THADA: variants seen among roughly 807,000 people sequenced by gnomAD.
THADA encodes THADA armadillo repeat containing, also known as tRNA (32-2'-O)-methyltransferase regulator THADA.
A neutral mutation model predicts 219.8 loss-of-function variants in THADA; 213 were observed. The ratio of observed to expected loss-of-function variants is 0.97; its 90% confidence interval spans 0.87 to 1.09. The LOEUF (loss-of-function observed/expected upper bound fraction) is 1.09, where lower values mean the gene tolerates loss of function less well. Ranked by LOEUF, THADA falls within the 50% of genes least tolerant of loss-of-function variation. The pLI is 0.00. For synonymous variants in THADA, 1,018 were observed against 828.9 expected (o/e 1.23, Z -3.92); for missense variants, 2,956 against 2,311.3 (o/e 1.28, Z -5.72).
At chr2:43,386,013 A>G (rs1305765454) in intron 29 of THADA, among the ~76,000 whole-genome samples, 4 of 152,200 alleles carry the variant, frequency 2.6e-5, no homozygotes. Context: ...AAAATGACCA[A>G]GATTCTAAAT....
At chr2:43,277,928 T>C (rs1040392835) in intron 36 of THADA, among the ~76,000 whole-genome samples, 2 of 151,274 alleles carry the variant, frequency 1.3e-5, no homozygotes, top group Admixed American at 6.6e-5. Context: ...CCTTGAGAGA[T>C]GGTAAAACAA....
intron 31 of THADA, among the ~76,000 whole-genome samples, chr2:43,317,600 C>A (rs540465819): frequency 6.6e-6 from 1 of 152,212 alleles, no homozygotes; most frequent in South Asian, 2.1e-4. Flanking sequence ...GACTTCACTA[C>A]ATTAAGCACA....
intron 30 of THADA, among the ~76,000 whole-genome samples, chr2:43,331,121 T>C (rs1201647288): frequency 6.6e-6 from 1 of 152,250 alleles, no homozygotes; most frequent in African/African-American, 2.4e-5. Context: ...CCATCTCTAC[T>C]ATTTTCAATA....
At chr2:43,488,155 T>C (rs905767198) in intron 25 of THADA, among the ~76,000 whole-genome samples, 9 of 152,232 alleles carry the variant, frequency 5.9e-5, no homozygotes, top group Non-Finnish European at 1.3e-4. Context: ...GCATGATTGT[T>C]TTAAAATCAC....
intron 16 of THADA, among the ~76,000 whole-genome samples, chr2:43,559,021 ACATTTATGC>A (rs898849516): frequency 2.6e-5 from 4 of 152,158 alleles, no homozygotes; most frequent in African/African-American, 4.8e-5. Context: ...CAGGTCTTTC[ACATTTATGC>A]CATAATATGC....
At chr2:43,379,448 A>T (rs1191199865) in intron 29 of THADA, among the ~76,000 whole-genome samples, 1 of 152,220 alleles carries the variant, frequency 6.6e-6, no homozygotes, top group African/African-American at 2.4e-5. Flanking sequence ...TAAATGGATT[A>T]AGATAGCCTA....
chr2:43,444,694 G>C (rs1457671618), intron 26 of THADA, among the ~76,000 whole-genome samples: 3 of 152,124 alleles, frequency 2.0e-5, no homozygotes, highest in African/African-American at 7.2e-5. Flanking sequence ...ATTGTGCAGT[G>C]AAAAAGGCAT....
chr2:43,381,583 C>CTTTTT (rs758714440), intron 29 of THADA, among the ~76,000 whole-genome samples: 1 of 141,388 alleles, frequency 7.1e-6, no homozygotes, highest in Non-Finnish European at 1.5e-5. Flanking sequence ...AGTGATAAGT[C>CTTTTT]TTTTTTTTTT....
At chr2:43,530,651 A>C (rs913534073) in intron 21 of THADA, among the ~76,000 whole-genome samples, 4 of 152,238 alleles carry the variant, frequency 2.6e-5, no homozygotes, top group Admixed American at 2.6e-4. Context: ...CTTCAGGAAA[A>C]CATAAACTTT....
intron 31 of THADA, among the ~76,000 whole-genome samples, chr2:43,303,601 C>T (rs1014757566): frequency 2.0e-5 from 3 of 151,504 alleles, no homozygotes; most frequent in African/African-American, 7.3e-5. Flanking sequence ...TTAAAAGATG[C>T]ATGTTAATCT....
Position 43,527,972 on chromosome 2 carries a change from T to C in THADA, c.3281A>G (p.Asp1094Gly), listed in dbSNP as rs1558915133. 9 of 1,612,188 alleles carry C rather than the reference T, an allele frequency of 5.6e-6. No individual in the cohort carries two copies. The highest frequency in any genetic ancestry group is 1.3e-5 in the African/African-American group (1 of 74,900). ...LTVEQVKEIG[D>G]YFKQHLLQSR... ...CTGCAAAAGGTGTTGTTTAAAGTAATCTCCTATTTCTTTTACCTTTAAAAA... is the reference window on the plus strand; with the variant it reads ...CTGCAAAAGGTGTTGTTTAAAGTAACCTCCTATTTCTTTTACCTTTAAAAA... Residue 1094 changes from aspartate to glycine, a missense_variant, in exon 22 of 38, where the codon GAT becomes GGT. Asp to Gly is a moderately conservative substitution (Grantham distance 94). Coordinates refer to ENST00000405975, the MANE Select transcript of THADA (RefSeq NM_022065.5).
chr2:43,427,715 G>T (rs911156218), intron 28 of THADA, among the ~76,000 whole-genome samples: 1 of 149,524 alleles, frequency 6.7e-6, no homozygotes, highest in African/African-American at 2.4e-5. Context: ...CCAGCACTTT[G>T]GGAGAATGAG....
chr2:43,274,161 C>T (rs1304116915), intron 36 of THADA, among the ~76,000 whole-genome samples: 1 of 152,160 alleles, frequency 6.6e-6, no homozygotes. Context: ...CCTGCAGCCC[C>T]AGGCTGGCTT....
In THADA at chr2:43,485,256, C is replaced by T. The variant is rs1686770440; in HGVS notation, c.3814G>A (p.Asp1272Asn). 6.2e-7 allele frequency: 1 copy of T among 1,612,586 alleles called. No homozygotes were observed. Among genetic ancestry groups the T allele is most frequent in the African/African-American group, 1.3e-5 (1 of 74,866 alleles). Residue 1272 changes from aspartate to asparagine, a missense_variant, in exon 26 of 38, where the codon GAT becomes AAT. Physicochemically the swap from Asp to Asn is conservative, Grantham distance 23 (BLOSUM62 1). Coordinates refer to ENST00000405975, the MANE Select transcript of THADA (RefSeq NM_022065.5). The part of the protein sequence containing the change: ...TRIFGVKRAK[D>N]EHSKTNRMTG... ...TACCTATTTGTTTTGGAATGTTCAT[C>T]CTTTGCCCTTTTAACTCCAAAAATT...
intron 29 of THADA, among the ~76,000 whole-genome samples, chr2:43,363,054 C>T (rs1238353990): frequency 2.6e-5 from 4 of 152,170 alleles, no homozygotes; most frequent in Non-Finnish European, 5.9e-5. Flanking sequence ...CGTATATAAT[C>T]ACAATGCCTG....
intron 26 of THADA, among the ~76,000 whole-genome samples, chr2:43,448,079 A>G (rs1439528492): frequency 2.0e-5 from 3 of 152,202 alleles, no homozygotes; most frequent in African/African-American, 7.2e-5. Flanking sequence ...TATAATGCCA[A>G]TTTTTATTAA....
chr2:43,286,790 A>G (rs950925903), intron 35 of THADA, 118 bp downstream of exon 35: 2 of 1,159,790 alleles, frequency 1.7e-6, no homozygotes, highest in Non-Finnish European at 2.5e-6. Flanking sequence ...AATATAACTG[A>G]AAGACATAAA....
rs1247612119 is a variant in THADA at position 43,447,446 on chromosome 2, C to A, written c.3837-17144G>T. Among the ~76,000 whole-genome samples, 3 of 152,196 alleles carry A rather than the reference C, an allele frequency of 2.0e-5. No homozygotes were observed. The South Asian group carries it at 6.2e-4, about 32-fold the overall frequency. On this transcript the variant is annotated intron_variant, in intron 26 of 37. Transcript: ENST00000405975. ...AGCCAAGATAATCATCACCCCAACT[C>A]AAGATTCTTAATCACATCTACAAAG...
intron 29 of THADA, among the ~76,000 whole-genome samples, chr2:43,385,608 A>C (rs1456697852): frequency 8.6e-6 from 1 of 115,720 alleles, no homozygotes; most frequent in African/African-American, 4.5e-5. Context: ...CTCCGTCTCA[A>C]AAAAAAAAAA....
Sources: allele counts gnomAD v4.1 joint callset (sites outside exome capture counted in the v4.1 genomes callset), GRCh38; gene constraint gnomAD v4.1.1; transcripts MANE v1.5; gene names NCBI Gene and HGNC (gene_info 2026-07-23, HGNC 2026-07-21).